The following ZNF264 variants were observed in gnomAD, a reference collection of about 807,000 sequenced individuals.
ZNF264 encodes zinc finger protein 264.
Under a neutral mutation model 11.2 loss-of-function variants are expected in ZNF264, and 11 were observed. The ratio of observed to expected loss-of-function variants is 0.98; its 90% CI spans 0.62 to 1.63. The LOEUF (loss-of-function observed/expected upper bound fraction) is 1.63, where lower values mean the gene tolerates loss of function less well. ZNF264 is among the 40% of genes most tolerant of loss of function. The pLI is 0.00. For missense variants in ZNF264, 752 were observed against 768.1 expected (o/e 0.98, Z 0.25); for synonymous variants, 309 against 279.8 (o/e 1.10, Z -1.04).
In ZNF264 at chr19:57,198,733, C is replaced by T. The variant is rs573011812; in HGVS notation, c.160+4732C>T. On this transcript the variant is annotated intron_variant, in intron 2 of 3. Coordinates refer to ENST00000263095, the MANE Select transcript of ZNF264 (RefSeq NM_003417.5). ...CTCGGAGCCAGTGTCCTGTAGTCCCCGAAATGTCTGATCATTTCCCTTTCC... is the reference window on the plus strand; with the variant it reads ...CTCGGAGCCAGTGTCCTGTAGTCCCTGAAATGTCTGATCATTTCCCTTTCC... Among the ~76,000 whole-genome samples, 6 of 151,968 alleles carry T rather than the reference C, an allele frequency of 3.9e-5. 1 individual carries two copies. Among genetic ancestry groups the T allele is most frequent in the South Asian group, 2.1e-4 (1 of 4,828 alleles).
chr19:57,206,461 A>G (rs1372519048), intron 3 of ZNF264, among the ~76,000 whole-genome samples: 1 of 151,254 alleles, frequency 6.6e-6, no homozygotes, highest in Non-Finnish European at 1.5e-5. Flanking sequence ...CGTGGTCTCG[A>G]TCTCCTGACC....
intron 2 of ZNF264, chr19:57,194,785 C>T: frequency 2.5e-6 from 1 of 400,128 alleles, no homozygotes; most frequent in Non-Finnish European, 4.4e-6. Context: ...TACAGACACA[C>T]CCAGGATCAA....
chr19:57,222,494 T>A lies in ZNF264; in HGVS notation c.*9513T>A, dbSNP rs910045267. 3 of 140,868 alleles carry A rather than the reference T, an allele frequency of 2.1e-5. No homozygotes were observed. The highest frequency in any genetic ancestry group is 3.0e-5 in the Non-Finnish European group (2 of 65,592). The allele number at this position is 140,868 out of a possible 1,614,324, so 8.7% of individuals were successfully genotyped here. ...GAGAGTCTTTCAAGAAAGGACCTAG[T>A]CTGCTCGCGTTCTCTCTCTCTCTCT... On this transcript the variant is annotated 3_prime_UTR_variant, in exon 4 of 4. Coordinates refer to ENST00000263095, the MANE Select transcript of ZNF264 (RefSeq NM_003417.5).
rs780006889 is a variant in ZNF264, at chr19:57,194,019, C to T, written c.160+18C>T. On this transcript the variant is annotated intron_variant, in intron 2 of 3. Transcript: ENST00000263095. ...GTCTCTGGGTAAGGCCTTCCTTCCC[C>T]CTCCACCATGCAGGTGACCTGCCAC... The T allele has an allele frequency of 1.3e-6, 2 of 1,591,916 alleles. No individual in the cohort carries two copies. Among genetic ancestry groups the T allele is most frequent in the Non-Finnish European group, 8.6e-7 (1 of 1,168,916 alleles).
intron 2 of ZNF264, among the ~76,000 whole-genome samples, chr19:57,202,466 T>C (rs1316000964): frequency 6.6e-6 from 1 of 152,000 alleles, no homozygotes; most frequent in East Asian, 1.9e-4. Flanking sequence ...TTTGTTAAAA[T>C]GCTGGGTATG....
chr19:57,204,388 T>G (rs2087276284), intron 2 of ZNF264, among the ~76,000 whole-genome samples: 1 of 152,148 alleles, frequency 6.6e-6, no homozygotes, highest in Non-Finnish European at 1.5e-5. Flanking sequence ...TATCTCACCT[T>G]GAATTGTAAT....
intron 1 of ZNF264, among the ~76,000 whole-genome samples, chr19:57,192,179 T>C (rs998562356): frequency 6.6e-6 from 1 of 152,008 alleles, no homozygotes; most frequent in Admixed American, 6.6e-5. Context: ...ACTCCCATCA[T>C]CCTTGGCCTG....
At chr19:57,195,526 A>G (rs2087205807) in intron 2 of ZNF264, among the ~76,000 whole-genome samples, 1 of 152,114 alleles carries the variant, frequency 6.6e-6, no homozygotes, top group Non-Finnish European at 1.5e-5. Context: ...GAGTGACCCA[A>G]ACCTTCATTC....
At chr19:57,199,429 A>C (rs866583874) in intron 2 of ZNF264, among the ~76,000 whole-genome samples, 1 of 151,834 alleles carries the variant, frequency 6.6e-6, no homozygotes, top group African/African-American at 2.4e-5. Context: ...CCCTTCCTCT[A>C]CATTAGACCA....
intron 2 of ZNF264, among the ~76,000 whole-genome samples, chr19:57,199,620 TC>T (rs2087236588): frequency 6.6e-6 from 1 of 151,904 alleles, no homozygotes; most frequent in Non-Finnish European, 1.5e-5. Context: ...GTATGTTCCT[TC>T]CAGCATTATC....
chr19:57,201,059 G>T (rs1037680290), intron 2 of ZNF264, among the ~76,000 whole-genome samples: 2 of 151,698 alleles, frequency 1.3e-5, no homozygotes, highest in Non-Finnish European at 2.9e-5. Context: ...TTTACTTATT[G>T]TATGTGTATA....
intron 3 of ZNF264, among the ~76,000 whole-genome samples, chr19:57,209,081 C>G (rs995740570): frequency 6.6e-6 from 1 of 152,000 alleles, no homozygotes; most frequent in Non-Finnish European, 1.5e-5. Context: ...CCTTTTATCA[C>G]TTATATATGC....
At position 57,219,446 on chromosome 19, in the gene ZNF264, G is replaced by C. The variant is rs2087401933; in HGVS notation, c.*6465G>C. On this transcript the variant is annotated 3_prime_UTR_variant, in exon 4 of 4. Coordinates refer to ENST00000263095, the MANE Select transcript of ZNF264 (RefSeq NM_003417.5). ...CTGCCCATTTCTTCTGTCTCCCACA[G>C]ACATGGTCTGTGTAGTTGTTCTGCA... The C allele has an allele frequency of 1.3e-5, 2 of 152,298 alleles. No homozygotes were observed. The highest frequency in any genetic ancestry group is 4.8e-5 in the African/African-American group (2 of 41,418). The allele number at this position is 152,298 out of a possible 1,614,324, so 9.4% of individuals were successfully genotyped here. A position where few individuals can be genotyped will look rare whatever the true frequency, so the allele number is the denominator to read the frequency against.
At chr19:57,208,647 GA>G (rs1192958923) in intron 3 of ZNF264, among the ~76,000 whole-genome samples, 1 of 152,166 alleles carries the variant, frequency 6.6e-6, no homozygotes, top group African/African-American at 2.4e-5. Context: ...TGATACTGTG[GA>G]TATTCATATA....
chr19:57,199,170 A>T (rs2087233381), intron 2 of ZNF264, among the ~76,000 whole-genome samples: 1 of 151,864 alleles, frequency 6.6e-6, no homozygotes, highest in Non-Finnish European at 1.5e-5. Context: ...GTTGAGTGCC[A>T]CCACTTGGCC....
At position 57,218,889 on chromosome 19, in the gene ZNF264, C is replaced by G. The variant is rs2087398367; in HGVS notation, c.*5908C>G. 6.6e-6 allele frequency: 1 copy of G among 152,106 alleles called. No individual in the cohort carries two copies. The highest frequency in any genetic ancestry group is 6.5e-5 in the Admixed American group (1 of 15,274). The allele number at this position is 152,106 out of a possible 1,614,324, so 9.4% of individuals were successfully genotyped here. A position where few individuals can be genotyped will look rare whatever the true frequency, so the allele number is the denominator to read the frequency against. ...CAAAGAAAGACTCTCAGAGAATAGA[C>G]AACTATATTCCAAAGTCATGGTTCT... is the stretch of plus-strand genomic sequence containing the variant. On this transcript the variant is annotated 3_prime_UTR_variant, in exon 4 of 4. Coordinates refer to ENST00000263095, the MANE Select transcript of ZNF264 (RefSeq NM_003417.5).
intron 2 of ZNF264, among the ~76,000 whole-genome samples, chr19:57,203,651 T>A (rs2087269716): frequency 6.6e-6 from 1 of 152,216 alleles, no homozygotes; most frequent in African/African-American, 2.4e-5. Flanking sequence ...TATTTAACTC[T>A]ATCACAGTAG....
intron 3 of ZNF264, among the ~76,000 whole-genome samples, chr19:57,208,078 C>T (rs114066212): frequency 0.021 from 3,183 of 152,226 alleles, 106 homozygotes; most frequent in African/African-American, 0.072. Flanking sequence ...TGGTCTGAAA[C>T]CCCTGGCCTC....
rs1049028293 is a variant in ZNF264, at chr19:57,211,999, A to G, written c.902A>G (p.Asn301Ser). ...GGAAAGGCCTTCACCCACCGCTCCA[A>G]TTTTGTCTTGCATAACAGGAGACAC... Reference protein sequence around the residue: ...ECGKAFTHRSNFVLHNRRHTG... With the variant: ...ECGKAFTHRSSFVLHNRRHTG... The change falls in exon 4 of 4, where the codon AAT becomes AGT. Residue 301 changes from asparagine (N) to serine (S), a missense_variant. By Grantham distance (46) the Asn-to-Ser change is conservative (BLOSUM62 1). Transcript: ENST00000263095. The G allele has an allele frequency of 1.9e-6, 3 of 1,611,326 alleles. No individual in the cohort carries two copies. Among genetic ancestry groups the G allele is most frequent in the Admixed American group, 1.7e-5 (1 of 59,732 alleles).
Sources: gnomAD v4.1 joint callset for allele counts (sites outside exome capture counted in the v4.1 genomes callset) on GRCh38, gnomAD v4.1.1 for gene constraint, MANE v1.5 for transcripts, NCBI Gene and HGNC (gene_info 2026-07-23, HGNC 2026-07-21) for gene names.